TNRC6C: variants seen among roughly 807,000 people sequenced by gnomAD.
TNRC6C encodes trinucleotide repeat-containing gene 6C protein.
TNRC6C carries 20 observed loss-of-function variants against 153.7 expected under a neutral mutation model. The ratio of observed to expected loss-of-function variants is 0.13; its 90% confidence interval spans 0.09 to 0.19. TNRC6C has a LOEUF of 0.19. Ranked by LOEUF, TNRC6C falls within the 10% of genes least tolerant of loss-of-function variation. The pLI is 1.00. For missense variants in TNRC6C, 1,987 were observed against 2,172.0 expected, an observed-to-expected ratio of 0.91 and a Z score of 1.69; for synonymous variants, 811 against 841.4, an observed-to-expected ratio of 0.96 and a Z score of 0.63.
Position 78,064,719 on chromosome 17 carries a change from C to T in TNRC6C, c.2396-3C>T. The T allele has an allele frequency of 6.2e-7, 1 of 1,611,878 alleles. No homozygotes were observed. The highest frequency in any genetic ancestry group is 8.5e-7 in the Non-Finnish European group (1 of 1,179,300). On this transcript the variant is annotated splice_polypyrimidine_tract_variant and splice_region_variant and intron_variant, in intron 3 of 19. Transcript: ENST00000301624. The stretch of plus-strand genomic sequence containing the variant: ...TTTCTCTACCCCTTGGAACCTTTTT[C>T]AGTTTCATCAGGCTGGGGAGAAATG...
At chr17:78,076,494 G>A (rs934862946) in intron 8 of TNRC6C, among the ~76,000 whole-genome samples, 1 of 152,100 alleles carries the variant, frequency 6.6e-6, no homozygotes, top group Non-Finnish European at 1.5e-5. Context: ...AAATTCCAAT[G>A]TGAAATCATA....
chr17:78,076,073 G>T (rs907473494), intron 8 of TNRC6C, among the ~76,000 whole-genome samples: 1 of 151,824 alleles, frequency 6.6e-6, no homozygotes, highest in South Asian at 2.1e-4. Flanking sequence ...AAGAATTAGC[G>T]AGCATGGTGG....
intron 1 of TNRC6C, among the ~76,000 whole-genome samples, chr17:78,020,923 A>G (rs1383815626): frequency 6.6e-6 from 1 of 152,172 alleles, no homozygotes; most frequent in Non-Finnish European, 1.5e-5. Flanking sequence ...TTTCCAGTCA[A>G]TTGCACAAGC....
At chr17:78,005,981 G>C (rs779969367) in intron 1 of TNRC6C, among the ~76,000 whole-genome samples, 13 of 152,028 alleles carry the variant, frequency 8.6e-5, no homozygotes, top group Non-Finnish European at 1.9e-4. Flanking sequence ...TTTTCCACTG[G>C]ACCATCACAT....
intron 17 of TNRC6C, among the ~76,000 whole-genome samples, chr17:78,101,212 G>A (rs1379600832): frequency 6.6e-6 from 1 of 152,162 alleles, no homozygotes; most frequent in Non-Finnish European, 1.5e-5. Context: ...CAAGTTGAAA[G>A]CTCCACAAAT....
chr17:78,077,718 C>T (rs992709993), intron 9 of TNRC6C: 25 of 197,046 alleles, frequency 1.3e-4, no homozygotes, highest in African/African-American at 5.0e-4. Context: ...TGTTGATCTG[C>T]GAGAAAGCAC....
chr17:78,005,306 T>C lies in TNRC6C; in HGVS notation c.-546+227T>C, dbSNP rs146941416. Among the ~76,000 whole-genome samples, 65 of 152,292 alleles carry C rather than the reference T, an allele frequency of 4.3e-4. No homozygotes were observed. In the East Asian group the frequency reaches 0.01, roughly 23 times the overall value. ...AATGTCTGAAGAATGTTATATTAGC[T>C]TTCCAAACAATGCTTTTAAATTTTC... On this transcript the variant is annotated intron_variant, in intron 1 of 19. Coordinates refer to ENST00000301624, the Ensembl canonical transcript of TNRC6C.
intron 1 of TNRC6C, among the ~76,000 whole-genome samples, chr17:77,979,456 G>A (rs1433413232): frequency 2.0e-5 from 3 of 152,062 alleles, no homozygotes; most frequent in African/African-American, 4.8e-5. Flanking sequence ...AAACAGGAGG[G>A]TTTAATAGTA....
At chr17:78,045,746 G>C (rs1333610106) in intron 2 of TNRC6C, among the ~76,000 whole-genome samples, 1 of 152,170 alleles carries the variant, frequency 6.6e-6, no homozygotes, top group Non-Finnish European at 1.5e-5. Context: ...TCAGGGATCA[G>C]ATGGGTTTTT....
intron 14 of TNRC6C, among the ~76,000 whole-genome samples, chr17:78,092,379 C>T (rs192282970): frequency 4.8e-4 from 73 of 152,248 alleles, no homozygotes; most frequent in African/African-American, 1.7e-3. Context: ...TGTGTTCTTC[C>T]GTAGTGAGGG....
At chr17:78,037,978 C>T (rs939706416) in intron 2 of TNRC6C, among the ~76,000 whole-genome samples, 7 of 152,018 alleles carry the variant, frequency 4.6e-5, no homozygotes, top group Admixed American at 2.0e-4. Context: ...ATAAAGAGAG[C>T]AGGGGGAAAA....
At chr17:78,068,105 T>C (rs1055458907) in intron 5 of TNRC6C, among the ~76,000 whole-genome samples, 182 bp downstream of exon 7, 1 of 152,208 alleles carries the variant, frequency 6.6e-6, no homozygotes, top group Non-Finnish European at 1.5e-5. Flanking sequence ...ATCATGCCAG[T>C]ACTAAGACTG....
chr17:78,028,567 G>A (rs2071992200), intron 1 of TNRC6C, among the ~76,000 whole-genome samples: 1 of 152,188 alleles, frequency 6.6e-6, no homozygotes, highest in Non-Finnish European at 1.5e-5. Context: ...CAAAGACCTG[G>A]AGGATACTGG....
chr17:78,021,558 G>T (rs528807434), intron 1 of TNRC6C, among the ~76,000 whole-genome samples: 1 of 152,094 alleles, frequency 6.6e-6, no homozygotes, highest in South Asian at 2.1e-4. Flanking sequence ...ACATGGAATA[G>T]GTTATTTATT....
At chr17:78,026,407 C>T (rs574665715) in intron 1 of TNRC6C, among the ~76,000 whole-genome samples, 1 of 152,288 alleles carries the variant, frequency 6.6e-6, no homozygotes, top group South Asian at 2.1e-4. Flanking sequence ...TTTTTTGACT[C>T]TGACATTATC....
intron 2 of TNRC6C, among the ~76,000 whole-genome samples, chr17:78,046,669 C>T (rs1267297440): frequency 1.3e-5 from 2 of 152,298 alleles, no homozygotes; most frequent in East Asian, 3.9e-4. Context: ...TGTCCAAGGT[C>T]ATAGAGATGG....
chr17:78,100,770 CTT>C (rs56816459), intron 17 of TNRC6C, among the ~76,000 whole-genome samples: 1,136 of 103,972 alleles, frequency 0.011, 3 homozygotes, highest in Non-Finnish European at 0.016. Flanking sequence ...ATGGGATTTC[CTT>C]TTTTTTTTTT....
intron 9 of TNRC6C, chr17:78,077,641 G>A (rs968852097): frequency 1.8e-5 from 7 of 398,534 alleles, no homozygotes; most frequent in African/African-American, 6.2e-5. Context: ...TTCGGCTGCC[G>A]GATGCATCCA....
intron 1 of TNRC6C, among the ~76,000 whole-genome samples, chr17:77,987,077 A>G (rs997261765): frequency 6.6e-6 from 1 of 152,248 alleles, no homozygotes; most frequent in Non-Finnish European, 1.5e-5. Flanking sequence ...AAAGGCAGAC[A>G]AAAACTGGGG....
Sources: gnomAD v4.1 joint callset for allele counts (sites outside exome capture counted in the v4.1 genomes callset) on GRCh38, gnomAD v4.1.1 for gene constraint, MANE v1.5 for transcripts, NCBI Gene and HGNC (gene_info 2026-07-23, HGNC 2026-07-21) for gene names.